Variants in MAP3K12 observed in about 807,000 individuals in gnomAD.
MAP3K12 encodes MAPK-upstream kinase.
MAP3K12 carries 14 observed loss-of-function variants against 87.5 expected under a neutral mutation model. The observed-to-expected ratio is 0.16, with a 90% confidence interval of 0.11 to 0.25. MAP3K12 has a LOEUF of 0.25. MAP3K12 is among the 10% of genes least tolerant of loss of function. The probability of loss-of-function intolerance (pLI) is 1.00; values close to 1 mark genes in which losing one functional copy is unlikely to be tolerated. For missense variants in MAP3K12, 802 were observed against 1,140.4 expected, an observed-to-expected ratio of 0.70 and a Z score of 4.27; for synonymous variants, 469 against 452.5, an observed-to-expected ratio of 1.04 and a Z score of -0.46.
chr12:53,491,301 A>AAAAAAAAGAAAAG (rs796169121), intron 1 of MAP3K12, among the ~76,000 whole-genome samples: 31 of 101,592 alleles, frequency 3.1e-4, no homozygotes, highest in Non-Finnish European at 4.6e-4. Flanking sequence ...AAAAAAAAAA[A>AAAAAAAAGAAAAG]AAAAGAAAAG....
In MAP3K12 at chr12:53,487,407, G is replaced by A. The variant is rs1236470633; in HGVS notation, c.-16C>T. 2 of 1,595,980 alleles carry A rather than the reference G, an allele frequency of 1.3e-6. No individual in the cohort carries two copies. The highest frequency in any genetic ancestry group is 1.7e-5 in the Admixed American group (1 of 58,422). On this transcript the variant is annotated 5_prime_UTR_variant, in exon 2 of 14. Transcript: ENST00000547488. ...GGCAAGCCATCGCCTCTGGCCCCTG[G>A]TATGATGGTGAACACTGGGCCCTGT...
intron 1 of MAP3K12, among the ~76,000 whole-genome samples, chr12:53,490,462 C>T (rs964698843): frequency 8.6e-5 from 13 of 151,634 alleles, no homozygotes; most frequent in Admixed American, 1.3e-4. Context: ...TAAAAATTAG[C>T]CGGCCAGGCA....
intron 1 of MAP3K12, among the ~76,000 whole-genome samples, chr12:53,496,566 C>G (rs192118403): frequency 6.6e-6 from 1 of 152,130 alleles, no homozygotes; most frequent in Non-Finnish European, 1.5e-5. Context: ...AGAAGTTCAG[C>G]GGATGTTAAC....
At position 53,483,057 on chromosome 12, in the gene MAP3K12, C is replaced by A; in HGVS notation, c.1746G>T (p.Lys582Asn). The A allele has an allele frequency of 6.5e-7, 1 of 1,545,826 alleles. No homozygotes were observed. The highest frequency in any genetic ancestry group is 8.7e-7 in the Non-Finnish European group (1 of 1,147,586). Residue 582 changes from lysine to asparagine, a missense_variant, in exon 11 of 14, where the codon AAG becomes AAT. This residue lies in a region of MAP3K12 where 490 missense variants were observed against 496.6 expected (regional missense o/e 0.99). Coordinates refer to ENST00000547488, the MANE Select transcript of MAP3K12 (RefSeq NM_001193511.2). ...RSRRGKTRHR[K>N]ASAKGSCGDL... is the part of the protein sequence containing the mutation. ...CCCCACAGCTCCCCTTGGCGCTGGC[C>A]TTGCGGTGACGGGTCTTGCCACGGC...
intron 1 of MAP3K12, among the ~76,000 whole-genome samples, chr12:53,495,488 T>G (rs989340839): frequency 7.2e-6 from 1 of 137,960 alleles, no homozygotes; most frequent in Admixed American, 8.3e-5. Context: ...TGGGCGCACC[T>G]GTAGTCCGCC....
At position 53,487,361 on chromosome 12, in the gene MAP3K12, A is replaced by T. The variant is rs1044044074; in HGVS notation, c.31T>A (p.Ser11Thr). The change falls in exon 2 of 14, where the codon TCT becomes ACT. Residue 11 changes from serine to threonine, a missense_variant. Physicochemically the swap from Ser to Thr is moderately conservative, Grantham distance 58 (BLOSUM62 1). Around this residue, in one of 5 missense-constraint regions of MAP3K12, gnomAD observed 135 missense variants for 151.6 expected, o/e 0.89. Coordinates refer to ENST00000547488, the MANE Select transcript of MAP3K12 (RefSeq NM_001193511.2). ...GACACAAAGCCCCCAAAGGAAGGAGAGGGTGTTCGGGTCTCATGGAGGCAA... is the reference window on the plus strand; with the variant it reads ...GACACAAAGCCCCCAAAGGAAGGAGTGGGTGTTCGGGTCTCATGGAGGCAA... MACLHETRTPSPSFGGFVSTL... is the reference protein window; with the variant it reads MACLHETRTPTPSFGGFVSTL... 1 of 1,613,368 alleles carries T rather than the reference A, an allele frequency of 6.2e-7. No individual in the cohort carries two copies. The highest frequency in any genetic ancestry group is 8.5e-7 in the Non-Finnish European group (1 of 1,179,622).
rs1237425728 is a variant in MAP3K12, at chr12:53,480,500, C to G, written c.*682G>C. The G allele has an allele frequency of 6.6e-6, 1 of 152,542 alleles. No individual in the cohort carries two copies. The highest frequency in any genetic ancestry group is 1.5e-5 in the Non-Finnish European group (1 of 68,064). The allele number at this position is 152,542 out of a possible 1,614,324, so 9.4% of individuals were successfully genotyped here. A position where few individuals can be genotyped will look rare whatever the true frequency, so the allele number is the denominator to read the frequency against. On this transcript the variant is annotated 3_prime_UTR_variant, in exon 14 of 14. Transcript: ENST00000547488. ...AGAAAACCCTCAACAGCTGGGCCTG[C>G]ATGGAGTGTTATATTTCAAGGTTTT...
At chr12:53,498,815 G>A (rs1184377354) in intron 1 of MAP3K12, among the ~76,000 whole-genome samples, 3 of 151,928 alleles carry the variant, frequency 2.0e-5, no homozygotes, top group Non-Finnish European at 4.4e-5. Flanking sequence ...ACAGCTGGAG[G>A]GGATTAGGAG....
In MAP3K12 at chr12:53,483,929, C is replaced by T. The variant is rs1413413759; in HGVS notation, c.1340G>A (p.Arg447Lys). The T allele has an allele frequency of 1.2e-6, 2 of 1,614,184 alleles. No individual in the cohort carries two copies. Among genetic ancestry groups the T allele is most frequent in the Non-Finnish European group, 1.7e-6 (2 of 1,180,016 alleles). ...AACTCACCTGAGCTCCTCCCTCCTC[C>T]TCATCACCAGTTCCTCTTCTAGGCG... The part of the protein sequence containing the change: ...LHRLEEELVM[R>K]RREELRHALD... The change falls in exon 8 of 14, where the codon AGG becomes AAG. Residue 447 changes from arginine to lysine, a missense_variant. This residue lies in a region of MAP3K12 where 99 missense variants were observed against 193.4 expected (regional missense o/e 0.51). Transcript: ENST00000547488.
chr12:53,482,730 A>G lies in MAP3K12; in HGVS notation c.2073T>C (p.Pro691=), dbSNP rs1397106372. The G allele has an allele frequency of 1.4e-5, 22 of 1,613,870 alleles. No homozygotes were observed. The highest frequency in any genetic ancestry group is 1.7e-5 in the Non-Finnish European group (20 of 1,180,008). The change falls in exon 11 of 14, where the codon CCT becomes CCC. Residue 691 remains proline (P), a synonymous_variant. Coordinates refer to ENST00000547488, the MANE Select transcript of MAP3K12 (RefSeq NM_001193511.2). The stretch of plus-strand genomic sequence containing the variant: ...GAGGTGGTTCCCCTTTGGCTCCCCC[A>G]GGTGAATCTGGGCTGGTGGAGCCAG... The part of the protein sequence containing the change: ...SAPGSTSPDS[P]GGAKGEPPPP...
intron 1 of MAP3K12, among the ~76,000 whole-genome samples, chr12:53,491,654 C>T (rs1340755171): frequency 1.3e-5 from 2 of 151,580 alleles, no homozygotes; most frequent in African/African-American, 2.4e-5. Flanking sequence ...AGGATAGTCT[C>T]GATCTCCTGA....
At chr12:53,493,612 A>G (rs1010717923) in intron 1 of MAP3K12, 1 of 152,458 alleles carries the variant, frequency 6.6e-6, no homozygotes, top group African/African-American at 2.4e-5. Flanking sequence ...GGACCCTGAG[A>G]AAATGGAGAT....
At chr12:53,493,443 A>C (rs559231630) in intron 1 of MAP3K12, among the ~76,000 whole-genome samples, 9 of 152,250 alleles carry the variant, frequency 5.9e-5, no homozygotes, top group Non-Finnish European at 1.2e-4. Flanking sequence ...ACCACAGGGA[A>C]GGAAAGCAGG....
intron 1 of MAP3K12, among the ~76,000 whole-genome samples, chr12:53,499,168 C>CA (rs1448826150): frequency 3.9e-5 from 6 of 152,002 alleles, no homozygotes; most frequent in Admixed American, 6.5e-5. Context: ...CACCCCACCC[C>CA]AATACGGTCC....
intron 1 of MAP3K12, among the ~76,000 whole-genome samples, chr12:53,495,502 A>G (rs1470724217): frequency 1.5e-5 from 2 of 136,360 alleles, no homozygotes; most frequent in Admixed American, 8.6e-5. Context: ...GTCCGCCGCC[A>G]CTGCACTCTA....
chr12:53,485,304 G>T lies in MAP3K12; in HGVS notation c.980+13C>A. Reference sequence around the variant, plus strand: ...GGCCACCCACTCTTCTCAGTTTTCAGCCTAGTTCTCACCAGATGTCGACCT... The same window carrying T: ...GGCCACCCACTCTTCTCAGTTTTCATCCTAGTTCTCACCAGATGTCGACCT... On this transcript the variant is annotated intron_variant, in intron 5 of 13. Coordinates refer to ENST00000547488, the MANE Select transcript of MAP3K12 (RefSeq NM_001193511.2). The T allele has an allele frequency of 3.1e-6, 5 of 1,611,886 alleles. No homozygotes were observed. In the South Asian group the frequency reaches 5.5e-5, roughly 18 times the overall value.
chr12:53,481,771 C>A, intron 13 of MAP3K12, 170 bp downstream of exon 13: 4 of 747,286 alleles, frequency 5.4e-6, no homozygotes, highest in Non-Finnish European at 6.4e-6. Flanking sequence ...GGTCAGGCAT[C>A]GTAATAGATG....
intron 1 of MAP3K12, among the ~76,000 whole-genome samples, chr12:53,494,621 C>T (rs948696433): frequency 2.0e-5 from 3 of 152,184 alleles, no homozygotes; most frequent in Non-Finnish European, 4.4e-5. Flanking sequence ...CTTAGGGGCT[C>T]AGTTCAGAGG....
chr12:53,484,522 C>T (rs1255428678), intron 6 of MAP3K12, 157 bp from the exon 7 acceptor site: 1 of 618,280 alleles, frequency 1.6e-6, no homozygotes, highest in Non-Finnish European at 2.9e-6. Context: ...GAGAATATTA[C>T]ACACTATTCA....
Sources: allele counts gnomAD v4.1 joint callset (sites outside exome capture counted in the v4.1 genomes callset), GRCh38; gene constraint gnomAD v4.1.1; regional missense constraint gnomAD v4.1.1; transcripts MANE v1.5; gene names NCBI Gene and HGNC (gene_info 2026-07-23, HGNC 2026-07-21).